Variants in UBR1 observed in about 807,000 individuals in gnomAD.
UBR1 encodes the protein ubiquitin protein ligase E3 component n-recognin 1.
Under a neutral mutation model 242.1 loss-of-function variants are expected in UBR1, and 102 were observed. That is an observed-to-expected ratio of 0.42 (90% CI 0.36 to 0.50). The LOEUF (loss-of-function observed/expected upper bound fraction) is 0.50. Ranked by LOEUF, UBR1 falls within the 20% of genes least tolerant of loss-of-function variation. The pLI is 0.01. For synonymous variants in UBR1, 675 were observed against 684.8 expected (o/e 0.99, Z 0.22); for missense variants, 1,772 against 2,101.8 (o/e 0.84, Z 3.07).
At chr15:43,012,626 T>G (rs1302305489) in intron 29 of UBR1, among the ~76,000 whole-genome samples, 1 of 152,212 alleles carries the variant, frequency 6.6e-6, no homozygotes, top group African/African-American at 2.4e-5. Context: ...CCTTCTTATT[T>G]TATTGTCAGT....
intron 2 of UBR1, 64 bp downstream of exon 2, chr15:43,085,920 C>CAAA (rs77056940): frequency 1.6e-4 from 194 of 1,246,692 alleles, no homozygotes; most frequent in Middle Eastern, 2.6e-4. Flanking sequence ...GACTCTGTTT[C>CAAA]AAAAAAAAAA....
chr15:43,059,014 T>A, intron 9 of UBR1, 71 bp downstream of exon 9: 2 of 1,172,706 alleles, frequency 1.7e-6, no homozygotes, highest in Non-Finnish European at 2.6e-6. Context: ...ACAAAAGATA[T>A]TACAGCTCCA....
At chr15:43,048,069 C>T (rs954744201) in intron 13 of UBR1, among the ~76,000 whole-genome samples, 3 of 151,988 alleles carry the variant, frequency 2.0e-5, no homozygotes, top group African/African-American at 7.3e-5. Context: ...TGCCTGTAAT[C>T]CCAGCTACTT....
In UBR1 at chr15:43,078,939, A is replaced by G. The variant is rs138675494; in HGVS notation, c.417+3699T>C. Among the ~76,000 whole-genome samples, 477 of 152,356 alleles carry G rather than the reference A, an allele frequency of 3.1e-3. 2 individuals are homozygous for G. The highest frequency in any genetic ancestry group is 0.011 in the African/African-American group (453 of 41,592). On this transcript the variant is annotated intron_variant, in intron 3 of 46. Transcript: ENST00000290650. ...ACTCAGGAAAAAAAAATACAAGAAG[A>G]TGAGAAAATCATGCCAGAAATGAAT...
chr15:43,027,802 A>G lies in UBR1; in HGVS notation c.2406T>C (p.Asn802=), dbSNP rs777408134. 19 of 1,612,704 alleles carry G rather than the reference A, an allele frequency of 1.2e-5. No individual in the cohort carries two copies. The highest frequency in any genetic ancestry group is 4.0e-5 in the African/African-American group (3 of 74,896). ...ENENNETGLE[N]VINKVATFKK... The stretch of plus-strand genomic sequence containing the variant: ...TAAATGTGGCCACTTTGTTTATGAC[A>G]TTCTCTAAGCCAGTTTCATTATTTT... Residue 802 remains asparagine (N), a synonymous_variant, in exon 22 of 47, where the codon AAT becomes AAC. Transcript: ENST00000290650.
chr15:43,053,969 G>T (rs564728401), intron 12 of UBR1, among the ~76,000 whole-genome samples: 3 of 152,096 alleles, frequency 2.0e-5, no homozygotes, highest in East Asian at 1.9e-4. Flanking sequence ...TTTAAAAAAT[G>T]GAGTATTTTC....
intron 1 of UBR1, among the ~76,000 whole-genome samples, chr15:43,093,931 A>G (rs766438950): frequency 2.0e-5 from 3 of 152,112 alleles, no homozygotes; most frequent in Non-Finnish European, 4.4e-5. Context: ...ATAAATGAAG[A>G]TAACTATTAC....
chr15:43,045,205 T>C (rs1308053028), intron 14 of UBR1, among the ~76,000 whole-genome samples: 2 of 152,118 alleles, frequency 1.3e-5, no homozygotes, highest in African/African-American at 2.4e-5. Context: ...ATGCCTATAA[T>C]CCCAGCACTT....
rs985792161 is a variant in UBR1 at position 43,070,838 on chromosome 15, T to A, written c.616A>T (p.Ile206Leu). The change falls in exon 5 of 47, where the codon ATA becomes TTA. Residue 206 changes from isoleucine to leucine, a missense_variant. Ile to Leu is a conservative substitution (Grantham distance 5). This residue lies in a region of UBR1 where 734 missense variants were observed against 893.3 expected (regional missense o/e 0.82). Transcript: ENST00000290650. ...GGCAGTTCTTTTTCCTCTTCCCATATAGTCATTTCTACGACATATTTTATC... is the reference window on the plus strand; with the variant it reads ...GGCAGTTCTTTTTCCTCTTCCCATAAAGTCATTTCTACGACATATTTTATC... Reference protein sequence around the residue: ...SVIKYVVEMTIWEEEKELPPE... With the variant: ...SVIKYVVEMTLWEEEKELPPE... The A allele has an allele frequency of 6.2e-7, 1 of 1,613,888 alleles. No homozygotes were observed.
At chr15:43,028,424 AAAGAT>A (rs2033205159) in intron 21 of UBR1, among the ~76,000 whole-genome samples, 1 of 152,136 alleles carries the variant, frequency 6.6e-6, no homozygotes, top group Non-Finnish European at 1.5e-5. Flanking sequence ...GTAGGCTTGT[AAAGAT>A]AAGAAAGGTA....
At chr15:42,974,089 C>T (rs12910269) in intron 39 of UBR1, among the ~76,000 whole-genome samples, 121,506 of 151,562 alleles carry the variant, frequency 0.8, 49,732 homozygotes, top group Non-Finnish European at 0.89. Flanking sequence ...CGTGTTTCAC[C>T]GTGTTAGCCA....
At chr15:43,012,205 C>T (rs778327161) in intron 29 of UBR1, among the ~76,000 whole-genome samples, 5 of 148,144 alleles carry the variant, frequency 3.4e-5, no homozygotes, top group Admixed American at 6.8e-5. Flanking sequence ...CCAGCCTGGG[C>T]GACAGAGTGA....
intron 39 of UBR1, among the ~76,000 whole-genome samples, chr15:42,974,527 A>C (rs1448689351): frequency 2.0e-5 from 3 of 152,146 alleles, no homozygotes. Context: ...CTTCTCCTCC[A>C]ATACTGAGCT....
chr15:43,040,269 T>A (rs765023936), intron 15 of UBR1, among the ~76,000 whole-genome samples: 5 of 152,102 alleles, frequency 3.3e-5, no homozygotes, highest in African/African-American at 4.8e-5. Context: ...CCAATGGGAC[T>A]GAACAGAGCC....
intron 29 of UBR1, among the ~76,000 whole-genome samples, chr15:43,008,090 C>A (rs1314578823): frequency 1.3e-5 from 2 of 152,248 alleles, no homozygotes; most frequent in Admixed American, 6.5e-5. Flanking sequence ...TTACTCAATC[C>A]TTACAATAAT....
chr15:43,091,032 G>A (rs1341980599), intron 1 of UBR1, among the ~76,000 whole-genome samples: 4 of 152,020 alleles, frequency 2.6e-5, no homozygotes, highest in African/African-American at 9.7e-5. Context: ...TCTGCCTCCC[G>A]GGTTCAAGCA....
rs62020747 is a variant in UBR1, at chr15:43,041,432, G to A, written c.1849+1783C>T. 3.4e-3 allele frequency among the ~76,000 whole-genome samples: 511 copies of A among 152,104 alleles called. 2 individuals are homozygous for A. Among genetic ancestry groups the A allele is most frequent in the Admixed American group, 0.012 (182 of 15,258 alleles). On this transcript the variant is annotated intron_variant, in intron 15 of 46. Coordinates refer to ENST00000290650, the MANE Select transcript of UBR1 (RefSeq NM_174916.3). Reference sequence around the variant, plus strand: ...CACAAGAAGGGGAACATCACACACCGGGGCCTGTCGTGGGGTTGGGGGAGG... The same window carrying A: ...CACAAGAAGGGGAACATCACACACCAGGGCCTGTCGTGGGGTTGGGGGAGG...
At chr15:43,072,654 T>C (rs1199536855) in intron 4 of UBR1, among the ~76,000 whole-genome samples, 1 of 152,226 alleles carries the variant, frequency 6.6e-6, no homozygotes, top group Non-Finnish European at 1.5e-5. Context: ...TGATATTAAC[T>C]GTGAGTTTCT....
intron 39 of UBR1, among the ~76,000 whole-genome samples, chr15:42,974,802 G>C (rs2032263174): frequency 6.6e-6 from 1 of 152,036 alleles, no homozygotes; most frequent in Admixed American, 6.5e-5. Context: ...TAGAGACAGA[G>C]TCTCACTATG....
Sources: allele counts gnomAD v4.1 joint callset (sites outside exome capture counted in the v4.1 genomes callset), GRCh38; gene constraint gnomAD v4.1.1; regional missense constraint gnomAD v4.1.1; transcripts MANE v1.5; gene names NCBI Gene and HGNC (gene_info 2026-07-23, HGNC 2026-07-21).